The following TTLL11 variants were observed in gnomAD, a reference collection of about 807,000 sequenced individuals.
The protein encoded by TTLL11 is tubulin polyglutamylase TTLL11.
Under a neutral mutation model 51.7 loss-of-function variants are expected in TTLL11, and 42 were observed. That is an observed-to-expected ratio of 0.81 (90% CI 0.64 to 1.05). TTLL11 has a LOEUF of 1.05. Ranked by LOEUF, TTLL11 falls within the 50% of genes least tolerant of loss-of-function variation. The pLI is 0.00. For synonymous variants in TTLL11, 381 were observed against 383.5 expected (o/e 0.99, Z 0.08); for missense variants, 799 against 940.4 (o/e 0.85, Z 1.97).
chr9:121,866,174 T>C (rs1354903343), intron 7 of TTLL11, among the ~76,000 whole-genome samples: 1 of 152,192 alleles, frequency 6.6e-6, no homozygotes, highest in Non-Finnish European at 1.5e-5. Context: ...ACATATGGCA[T>C]TAATATTATT....
rs115434738 is a variant in TTLL11 at position 121,898,419 on chromosome 9, G to A, written c.1482-27671C>T. ...TTCAGGCAGATGGGGTAACCCCACT[G>A]GCTGCAATAGGGATAGCAGAGGTGG... is the stretch of plus-strand genomic sequence containing the variant. On this transcript the variant is annotated intron_variant, in intron 6 of 8. Transcript: ENST00000321582. Among the ~76,000 whole-genome samples the A allele has an allele frequency of 3.0e-3, 460 of 152,384 alleles. 3 individuals carry two copies. Among genetic ancestry groups the A allele is most frequent in the African/African-American group, 0.011 (439 of 41,602 alleles).
At position 121,820,109 on chromosome 9, in the gene TTLL11, C is replaced by T. The variant is rs963651665; in HGVS notation, c.*2478G>A. On this transcript the variant is annotated 3_prime_UTR_variant, in exon 9 of 9. Transcript: ENST00000321582. Reference sequence around the variant, plus strand: ...AGGGGCCATGGTGGGCGGAGCAGCCCGCCTCCAGATGATGGCATGGGGTGG... The same window carrying T: ...AGGGGCCATGGTGGGCGGAGCAGCCTGCCTCCAGATGATGGCATGGGGTGG... Among the ~76,000 whole-genome samples the T allele has an allele frequency of 5.9e-5, 9 of 152,322 alleles. No homozygotes were observed. Among genetic ancestry groups the T allele is most frequent in the Middle Eastern group, 3.4e-3 (1 of 294 alleles).
rs149746233 is a variant in TTLL11 at position 121,900,461 on chromosome 9, G to A, written c.1482-29713C>T. Among the ~76,000 whole-genome samples the A allele has an allele frequency of 6.2e-4, 94 of 152,246 alleles. No homozygotes were observed. In the East Asian group the frequency reaches 0.018, roughly 29 times the overall value. On this transcript the variant is annotated intron_variant, in intron 6 of 8. Coordinates refer to ENST00000321582, the MANE Select transcript of TTLL11 (RefSeq NM_001139442.2). ...TAGCAGTTTCACAGTATATCTACCC[G>A]TGGATTTCTTTTTATTTTGCTTGAA...
At chr9:122,034,710 T>C (rs552099526) in intron 2 of TTLL11, among the ~76,000 whole-genome samples, 1 of 152,344 alleles carries the variant, frequency 6.6e-6, no homozygotes, top group South Asian at 2.1e-4. Context: ...TTCTCCATTA[T>C]GACCCTGACA....
chr9:122,066,849 A>G (rs1845597485), intron 1 of TTLL11, among the ~76,000 whole-genome samples: 1 of 152,156 alleles, frequency 6.6e-6, no homozygotes, highest in Admixed American at 6.5e-5. Flanking sequence ...ACTTAAAATC[A>G]TGACAGAAGG....
At chr9:121,923,785 T>C (rs899854805) in intron 6 of TTLL11, among the ~76,000 whole-genome samples, 1 of 152,220 alleles carries the variant, frequency 6.6e-6, no homozygotes, top group Non-Finnish European at 1.5e-5. Context: ...AGTGATACTC[T>C]GGTTTTCATC....
chr9:121,846,360 T>C (rs946268583), intron 8 of TTLL11, among the ~76,000 whole-genome samples: 3 of 152,162 alleles, frequency 2.0e-5, no homozygotes, highest in Non-Finnish European at 4.4e-5. Context: ...CCTCTATCAG[T>C]AACTGACAGA....
In TTLL11 at chr9:121,826,218, G is replaced by GCACACACA. The variant is rs1491244955; in HGVS notation, c.1841-3340_1841-3339insTGTGTGTG. ...TATATATATATATATATATATATAT[G>GCACACACA]CACACATATATATATACACGCACAT... On this transcript the variant is annotated intron_variant, in intron 8 of 8. Transcript: ENST00000321582. Among the ~76,000 whole-genome samples, 274 of 58,534 alleles carry GCACACACA rather than the reference G, an allele frequency of 4.7e-3. 31 individuals are homozygous for GCACACACA. The highest frequency in any genetic ancestry group is 0.017 in the African/African-American group (249 of 14,810). The allele number at this position is 58,534 out of a possible 152,430, so 38.4% of individuals were successfully genotyped here. A position where few individuals can be genotyped will look rare whatever the true frequency, so the allele number is the denominator to read the frequency against.
At chr9:121,854,951 T>C (rs369700816) in intron 8 of TTLL11, among the ~76,000 whole-genome samples, 14 of 152,286 alleles carry the variant, frequency 9.2e-5, no homozygotes, top group African/African-American at 2.6e-4. Flanking sequence ...ACAATTAACA[T>C]TGGCATGCTG....
intron 6 of TTLL11, among the ~76,000 whole-genome samples, chr9:121,925,660 G>A (rs1343753244): frequency 2.0e-5 from 3 of 152,180 alleles, no homozygotes; most frequent in South Asian, 2.1e-4. Flanking sequence ...CCCATGCCAA[G>A]GCTCTCCACA....
chr9:121,866,496 C>T (rs1396397285), intron 7 of TTLL11, among the ~76,000 whole-genome samples: 1 of 151,860 alleles, frequency 6.6e-6, no homozygotes, highest in Non-Finnish European at 1.5e-5. Context: ...CCCATCTCTA[C>T]TAAAAATACA....
chr9:121,887,171 G>A (rs897857878), intron 6 of TTLL11, among the ~76,000 whole-genome samples: 6 of 152,186 alleles, frequency 3.9e-5, no homozygotes, highest in African/African-American at 1.2e-4. Context: ...TCACTGAAGC[G>A]AATATCTCTA....
intron 7 of TTLL11, 74 bp downstream of exon 7, chr9:121,870,423 G>A (rs959374849): frequency 4.0e-5 from 60 of 1,492,946 alleles, no homozygotes; most frequent in Non-Finnish European, 5.0e-5. Flanking sequence ...CAGTCAGGGA[G>A]ACCCGCCAGC....
chr9:121,961,315 T>A (rs1842211586), intron 6 of TTLL11, among the ~76,000 whole-genome samples: 1 of 152,228 alleles, frequency 6.6e-6, no homozygotes, highest in African/African-American at 2.4e-5. Context: ...ATTTTCCATG[T>A]CAAATACTTT....
rs190806326 is a variant in TTLL11 at position 121,912,468 on chromosome 9, C to G, written c.1482-41720G>C. Among the ~76,000 whole-genome samples the G allele has an allele frequency of 3.3e-5, 5 of 152,040 alleles. No individual in the cohort carries two copies. The East Asian group carries it at 9.7e-4, about 29-fold the overall frequency. On this transcript the variant is annotated intron_variant, in intron 6 of 8. Transcript: ENST00000321582. ...TGTCTCTCCCTTCACATAAGCTCCCCCTTCTGCTCGGAATGCCCCTCTCTG... is the reference window on the plus strand; with the variant it reads ...TGTCTCTCCCTTCACATAAGCTCCCGCTTCTGCTCGGAATGCCCCTCTCTG...
intron 6 of TTLL11, among the ~76,000 whole-genome samples, chr9:121,895,553 A>ATG (rs1056406918): frequency 1.4e-5 from 2 of 142,622 alleles, no homozygotes; most frequent in East Asian, 2.1e-4. Context: ...CGTTGTACAT[A>ATG]TGTGTGTGTC....
chr9:121,916,210 C>T (rs1262016429), intron 6 of TTLL11, among the ~76,000 whole-genome samples: 3 of 152,186 alleles, frequency 2.0e-5, no homozygotes, highest in Non-Finnish European at 4.4e-5. Flanking sequence ...GATGTCCTTA[C>T]TGTACTGATA....
intron 1 of TTLL11, among the ~76,000 whole-genome samples, chr9:122,077,926 G>C (rs1845902137): frequency 6.7e-6 from 1 of 150,290 alleles, no homozygotes; most frequent in Non-Finnish European, 1.5e-5. Context: ...ATAACAAAAA[G>C]ATAAGTAGAA....
Position 121,989,110 on chromosome 9 carries a change from CG to C in TTLL11, c.1269+84del, listed in dbSNP as rs778737615. The C allele has an allele frequency of 1.9e-6, 3 of 1,559,562 alleles. No homozygotes were observed. Among genetic ancestry groups the C allele is most frequent in the South Asian group, 2.5e-5 (2 of 81,436 alleles). ...GTCCCCTCCTCTGGCCATCCCACCC[CG>C]ATCACTCATCCTACACGAAGCCAGA... is the stretch of plus-strand genomic sequence containing the variant. On this transcript the variant is annotated intron_variant, in intron 4 of 8. Coordinates refer to ENST00000321582, the MANE Select transcript of TTLL11 (RefSeq NM_001139442.2). This position sits in a 1 kb window ranked among gnomAD's most constrained non-coding sequence, Gnocchi z 4.2.
Sources: allele counts gnomAD v4.1 joint callset (sites outside exome capture counted in the v4.1 genomes callset), GRCh38; gene constraint gnomAD v4.1.1; non-coding constraint Gnocchi (gnomAD v3.1); transcripts MANE v1.5; gene names NCBI Gene and HGNC (gene_info 2026-07-23, HGNC 2026-07-21).